Variants in VWA8 observed in about 807,000 individuals in gnomAD.
VWA8 encodes the protein von Willebrand factor A domain-containing protein 8.
A neutral mutation model predicts 241.5 loss-of-function variants in VWA8; 221 were observed. The observed-to-expected ratio is 0.91, with a 90% confidence interval of 0.82 to 1.02. The LOEUF is 1.02. VWA8 is among the 50% of genes least tolerant of loss of function. The probability of loss-of-function intolerance (pLI) is 0.00; values close to 1 mark genes in which losing one functional copy is unlikely to be tolerated. For missense variants in VWA8, 2,322 were observed against 2,328.7 expected, an observed-to-expected ratio of 1.00 and a Z score of 0.06; for synonymous variants, 852 against 827.1, an observed-to-expected ratio of 1.03 and a Z score of -0.52.
At chr13:41,806,916 T>C (rs1205970224) in intron 17 of VWA8, among the ~76,000 whole-genome samples, 1 of 150,168 alleles carries the variant, frequency 6.7e-6, no homozygotes, top group Non-Finnish European at 1.5e-5. Flanking sequence ...AATGAAAAGT[T>C]AGTTTTTTGC....
rs555081246 is a variant in VWA8 at position 41,870,942 on chromosome 13, G to A, written c.1081-2465C>T. Among the ~76,000 whole-genome samples the A allele has an allele frequency of 3.4e-4, 52 of 152,244 alleles. 3 individuals carry two copies. The South Asian group carries it at 1.0e-2, about 29-fold the overall frequency. ...AAGGTGAATTATCATTTTCTGGCAT[G>A]GAAAATTTAGAGGATTGTTACTCAG... On this transcript the variant is annotated intron_variant, in intron 9 of 44. Transcript: ENST00000379310.
At chr13:41,583,030 G>T (rs1250356137) in intron 42 of VWA8, among the ~76,000 whole-genome samples, 1 of 152,208 alleles carries the variant, frequency 6.6e-6, no homozygotes, top group Non-Finnish European at 1.5e-5. Context: ...GCATCCACAG[G>T]TTTTAGTATC....
chr13:41,652,870 C>A (rs577535311), intron 37 of VWA8, among the ~76,000 whole-genome samples: 12 of 152,194 alleles, frequency 7.9e-5, no homozygotes, highest in African/African-American at 2.9e-4. Context: ...TTACAACTTC[C>A]AAATATAGTG....
chr13:41,594,204 C>T (rs1026313435), intron 40 of VWA8, among the ~76,000 whole-genome samples: 4 of 151,506 alleles, frequency 2.6e-5, no homozygotes, highest in African/African-American at 9.7e-5. Flanking sequence ...CACCCTTGAA[C>T]TTTGAACTCC....
chr13:41,805,996 AAAAAT>A (rs1870182034), intron 17 of VWA8, among the ~76,000 whole-genome samples: 1 of 104,500 alleles, frequency 9.6e-6, no homozygotes, highest in South Asian at 3.6e-4. Context: ...TAAAAAATTC[AAAAAT>A]AAAAAAAAAA....
At chr13:41,887,950 G>A (rs944384756) in intron 5 of VWA8, among the ~76,000 whole-genome samples, 3 of 152,142 alleles carry the variant, frequency 2.0e-5, no homozygotes, top group African/African-American at 4.8e-5. Flanking sequence ...CTTGCCCATC[G>A]TCCTGCAACT....
intron 16 of VWA8, 118 bp from the exon 17 acceptor site, chr13:41,811,458 T>C: frequency 1.7e-6 from 1 of 573,132 alleles, no homozygotes; most frequent in South Asian, 4.4e-5. Context: ...ACTTAAAGTA[T>C]GTGCTGTTAA....
intron 21 of VWA8, among the ~76,000 whole-genome samples, chr13:41,743,636 TCTC>T (rs957789924): frequency 3.3e-5 from 5 of 152,326 alleles, no homozygotes; most frequent in African/African-American, 9.6e-5. Flanking sequence ...GCGTTTGAGT[TCTC>T]CTCAAGTAGT....
intron 44 of VWA8, among the ~76,000 whole-genome samples, chr13:41,569,312 T>C (rs2044284297): frequency 6.6e-6 from 1 of 152,266 alleles, no homozygotes; most frequent in South Asian, 2.1e-4. Context: ...TAGTATTTGT[T>C]GAGCTTGTTG....
chr13:41,870,739 T>C, intron 9 of VWA8, among the ~76,000 whole-genome samples: 1 of 151,928 alleles, frequency 6.6e-6, no homozygotes, highest in East Asian at 1.9e-4. Flanking sequence ...GCTAGAGTAG[T>C]GTCAATCTAA....
rs888253682 is a variant in VWA8, at chr13:41,581,156, T to A, written c.5272-5318A>T. Among the ~76,000 whole-genome samples, 4 of 126,688 alleles carry A rather than the reference T, an allele frequency of 3.2e-5. 1 individual carries two copies. The highest frequency in any genetic ancestry group is 4.6e-4 in the East Asian group (2 of 4,354). The allele number at this position is 126,688 out of a possible 152,430, so 83.1% of individuals were successfully genotyped here. A position where few individuals can be genotyped will look rare whatever the true frequency, so the allele number is the denominator to read the frequency against. On this transcript the variant is annotated intron_variant, in intron 42 of 44. Coordinates refer to ENST00000379310, the MANE Select transcript of VWA8 (RefSeq NM_015058.2). ...GCTGGGACTACAGGCGCCCGCCACCTCGCCCGGCTAATTTTTTGTATTTTT... is the reference window on the plus strand; with the variant it reads ...GCTGGGACTACAGGCGCCCGCCACCACGCCCGGCTAATTTTTTGTATTTTT...
chr13:41,922,482 T>C (rs541457343), intron 2 of VWA8, among the ~76,000 whole-genome samples: 1 of 152,198 alleles, frequency 6.6e-6, no homozygotes, highest in African/African-American at 2.4e-5. Context: ...GAAACTACCA[T>C]CAGAGTGAAC....
intron 24 of VWA8, 56 bp downstream of exon 24, chr13:41,727,138 G>A: frequency 1.5e-6 from 2 of 1,325,626 alleles, no homozygotes; most frequent in South Asian, 1.4e-5. Context: ...TTACAGCAGT[G>A]TTACTAATAT....
At chr13:41,849,617 G>A (rs183817928) in intron 12 of VWA8, among the ~76,000 whole-genome samples, 14 of 152,272 alleles carry the variant, frequency 9.2e-5, no homozygotes, top group Non-Finnish European at 2.1e-4. Context: ...GGTCAGGCAC[G>A]GTGGCTCGTG....
intron 41 of VWA8, among the ~76,000 whole-genome samples, chr13:41,588,184 G>A (rs549049508): frequency 6.6e-6 from 1 of 152,232 alleles, no homozygotes; most frequent in Non-Finnish European, 1.5e-5. Flanking sequence ...ATGGGGGTCT[G>A]GCAAAGAAAT....
At chr13:41,818,929 T>G (rs1870823593) in intron 15 of VWA8, among the ~76,000 whole-genome samples, 2 of 152,186 alleles carry the variant, frequency 1.3e-5, no homozygotes, top group Non-Finnish European at 2.9e-5. Context: ...GCAGCATCAG[T>G]ATCACCTGAG....
intron 21 of VWA8, among the ~76,000 whole-genome samples, chr13:41,734,911 G>C (rs1169574995): frequency 2.0e-5 from 3 of 152,154 alleles, no homozygotes; most frequent in African/African-American, 7.2e-5. Flanking sequence ...TAAACTTTTA[G>C]TATGAATAAA....
Position 41,566,877 on chromosome 13 carries a change from G to A in VWA8, c.*1320C>T, listed in dbSNP as rs913409457. The A allele has an allele frequency of 2.0e-5, 3 of 152,296 alleles. No individual in the cohort carries two copies. Among genetic ancestry groups the A allele is most frequent in the African/African-American group, 7.2e-5 (3 of 41,556 alleles). 9.4% of individuals were successfully genotyped at this position (152,296 alleles called of 1,614,324 possible). A position where few individuals can be genotyped will look rare whatever the true frequency, so the allele number is the denominator to read the frequency against. On this transcript the variant is annotated 3_prime_UTR_variant, in exon 45 of 45. Coordinates refer to ENST00000379310, the MANE Select transcript of VWA8 (RefSeq NM_015058.2). ...TTTATTTATTTATTTGATAGTTAATGATAGGGAGAGGGGTGATAGAACAAA... is the reference window on the plus strand; with the variant it reads ...TTTATTTATTTATTTGATAGTTAATAATAGGGAGAGGGGTGATAGAACAAA...
At chr13:41,810,430 G>C (rs1870416145) in intron 17 of VWA8, among the ~76,000 whole-genome samples, 1 of 152,012 alleles carries the variant, frequency 6.6e-6, no homozygotes, top group Admixed American at 6.6e-5. Context: ...ATAGAGTACT[G>C]TTCAGCCATA....
Sources: allele counts gnomAD v4.1 joint callset (sites outside exome capture counted in the v4.1 genomes callset), GRCh38; gene constraint gnomAD v4.1.1; transcripts MANE v1.5; gene names NCBI Gene and HGNC (gene_info 2026-07-23, HGNC 2026-07-21).